Variants in AQR observed in about 807,000 individuals in gnomAD.
The protein encoded by AQR is aquarius intron-binding spliceosomal factor, also known as RNA helicase aquarius.
A neutral mutation model predicts 180.5 loss-of-function variants in AQR; 61 were observed. The ratio of observed to expected loss-of-function variants is 0.34; its 90% CI spans 0.28 to 0.42. The LOEUF is 0.42. Ranked by LOEUF, AQR falls within the 10% of genes least tolerant of loss-of-function variation. The probability of loss-of-function intolerance (pLI) is 1.00; values close to 1 mark genes in which losing one functional copy is unlikely to be tolerated. For missense variants in AQR, 1,281 were observed against 1,798.3 expected (o/e 0.71, Z 5.20); for synonymous variants, 551 against 588.8 (o/e 0.94, Z 0.93).
chr15:34,869,038 A>G (rs1396893906), intron 31 of AQR: 1 of 152,176 alleles, frequency 6.6e-6, no homozygotes, highest in Non-Finnish European at 1.5e-5. Context: ...GCTGTACAGT[A>G]AGTGCATACT....
chr15:34,959,974 CAAAA>C (rs1231837637), intron 3 of AQR, among the ~76,000 whole-genome samples: 4 of 151,836 alleles, frequency 2.6e-5, no homozygotes, highest in Non-Finnish European at 4.4e-5. Flanking sequence ...AACCCTGTCT[CAAAA>C]AAAGAAAAAA....
chr15:34,969,135 C>A lies in AQR; in HGVS notation c.75+404G>T, dbSNP rs368849935. 2.6e-5 allele frequency among the ~76,000 whole-genome samples: 4 copies of A among 152,068 alleles called. No individual in the cohort carries two copies. In the East Asian group the frequency reaches 7.7e-4, roughly 29 times the overall value. Reference sequence around the variant, plus strand: ...CAAAAACTCAGGACACTCTAAGGACCAGGAAAAAGCCTACTCCTACTTGAA... The same window carrying A: ...CAAAAACTCAGGACACTCTAAGGACAAGGAAAAAGCCTACTCCTACTTGAA... On this transcript the variant is annotated intron_variant, in intron 1 of 34. Coordinates refer to ENST00000156471, the MANE Select transcript of AQR (RefSeq NM_014691.3).
intron 27 of AQR, among the ~76,000 whole-genome samples, chr15:34,878,459 T>C (rs1175954437): frequency 6.6e-6 from 1 of 150,544 alleles, no homozygotes. Flanking sequence ...AAATAAATCA[T>C]TGTAAACATA....
intron 3 of AQR, among the ~76,000 whole-genome samples, chr15:34,956,142 C>T (rs1213645787): frequency 6.6e-6 from 1 of 152,090 alleles, no homozygotes; most frequent in Admixed American, 6.5e-5. Flanking sequence ...TAAGGCTATA[C>T]ATTTGTTTCA....
At chr15:34,893,889 CA>C in intron 22 of AQR, 116 bp from the exon 23 acceptor site, 1 of 782,726 alleles carries the variant, frequency 1.3e-6, no homozygotes, top group Non-Finnish European at 2.1e-6. Context: ...TAGATGGGCC[CA>C]ATAACAGAAT....
chr15:34,950,749 C>T (rs377735399), intron 4 of AQR, among the ~76,000 whole-genome samples: 1 of 152,088 alleles, frequency 6.6e-6, no homozygotes, highest in African/African-American at 2.4e-5. Flanking sequence ...GAATATTACC[C>T]TAATGTGCTC....
In AQR at chr15:34,874,546, T is replaced by C. The variant is rs1595782880; in HGVS notation, c.3425+131A>G. ...TTGCAGAAGTCGACAAAAGTGCTTT[T>C]GGATTTATGGATAGCCAAGTTCCTG... On this transcript the variant is annotated intron_variant, in intron 29 of 34. Coordinates refer to ENST00000156471, the MANE Select transcript of AQR (RefSeq NM_014691.3). The C allele has an allele frequency of 4.7e-6, 5 of 1,072,158 alleles. No individual in the cohort carries two copies. The East Asian group carries it at 1.3e-4, about 28-fold the overall frequency. The allele number at this position is 1,072,158 out of a possible 1,614,324, so 66.4% of individuals were successfully genotyped here. A position where few individuals can be genotyped will look rare whatever the true frequency, so the allele number is the denominator to read the frequency against.
chr15:34,872,390 G>T (rs988849480), intron 30 of AQR, among the ~76,000 whole-genome samples: 3 of 152,024 alleles, frequency 2.0e-5, no homozygotes, highest in African/African-American at 7.2e-5. Flanking sequence ...TTTATTTCTT[G>T]AATCGCTAAA....
chr15:34,930,454 C>A, intron 11 of AQR, 83 bp from the exon 12 acceptor site: 1 of 741,492 alleles, frequency 1.3e-6, no homozygotes, highest in Non-Finnish European at 2.2e-6. Flanking sequence ...TAAACAGGTT[C>A]ATACAGTTTC....
chr15:34,894,951 G>A (rs1022894136), intron 22 of AQR, among the ~76,000 whole-genome samples: 2 of 150,948 alleles, frequency 1.3e-5, no homozygotes, highest in African/African-American at 2.4e-5. Context: ...GATCACTTGA[G>A]GCCAGGAGTT....
At chr15:34,936,886 G>C (rs964810920) in intron 9 of AQR, among the ~76,000 whole-genome samples, 2 of 152,006 alleles carry the variant, frequency 1.3e-5, no homozygotes, top group African/African-American at 4.8e-5. Context: ...ACAGACATTA[G>C]TTCTATAGAC....
At chr15:34,957,697 G>A (rs188928249) in intron 3 of AQR, among the ~76,000 whole-genome samples, 2,013 of 133,520 alleles carry the variant, frequency 0.015, 17 homozygotes, top group Middle Eastern at 0.025. Flanking sequence ...TCGAAACTCC[G>A]TCTCAAAAAA....
At chr15:34,956,069 C>T (rs1212447185) in intron 3 of AQR, among the ~76,000 whole-genome samples, 2 of 152,094 alleles carry the variant, frequency 1.3e-5, no homozygotes, top group African/African-American at 4.8e-5. Context: ...GCTTCTGGAA[C>T]ACCGACAATG....
Position 34,856,976 on chromosome 15 carries a change from C to G in AQR, c.4274G>C (p.Ser1425Thr). 1 of 1,614,124 alleles carries G rather than the reference C, an allele frequency of 6.2e-7. No homozygotes were observed. Among genetic ancestry groups the G allele is most frequent in the Middle Eastern group, 1.6e-4 (1 of 6,062 alleles). ...ADIIPSPTDT[S>T]CRQETPAFQT... is the part of the protein sequence containing the mutation. Reference sequence around the variant, plus strand: ...AAAGGCTGGAGTTTCTTGACGGCAGCTGGTGTCTGTTGGACTGGGTATGAT... The same window carrying G: ...AAAGGCTGGAGTTTCTTGACGGCAGGTGGTGTCTGTTGGACTGGGTATGAT... Residue 1425 changes from serine to threonine, a missense_variant, in exon 35 of 35, where the codon AGC (serine) becomes ACC (threonine). Ser to Thr is a moderately conservative substitution (Grantham distance 58). Around this residue, in one of 9 missense-constraint regions of AQR, gnomAD observed 182 missense variants for 185.3 expected, o/e 0.98. Transcript: ENST00000156471.
rs375936774 is a variant in AQR at position 34,896,960 on chromosome 15, C to T, written c.2397G>A (p.Thr799=). The T allele has an allele frequency of 2.9e-5, 46 of 1,611,210 alleles. No homozygotes were observed. The highest frequency in any genetic ancestry group is 2.8e-4 in the Admixed American group (17 of 59,934). ...CTATCTGTGTATGAGTGAACTGAAT[C>T]GTATTACTGCAAATAAGAGTAAATA... ...PYPYNQPKRN[T]IQFTHTQIEA... is the part of the protein sequence containing the mutation. Residue 799 remains threonine (T), a synonymous_variant, in exon 22 of 35, where the codon ACG becomes ACA. Transcript: ENST00000156471.
intron 34 of AQR, among the ~76,000 whole-genome samples, chr15:34,859,686 G>A (rs1371135759): frequency 6.6e-6 from 1 of 152,158 alleles, no homozygotes; most frequent in African/African-American, 2.4e-5. Flanking sequence ...ATCCTTGGCT[G>A]CCTGGGAAGG....
At chr15:34,930,517 A>T in intron 11 of AQR, 146 bp from the exon 12 acceptor site, 1 of 548,102 alleles carries the variant, frequency 1.8e-6, no homozygotes, top group Admixed American at 3.1e-5. Flanking sequence ...AAGATTTTAG[A>T]ACATATCCAA....
At chr15:34,869,285 C>T (rs1357559527) in intron 31 of AQR, 23 of 151,892 alleles carry the variant, frequency 1.5e-4, no homozygotes, top group African/African-American at 5.3e-4. Context: ...TTTTTCATGA[C>T]GTATTGGCTA....
Position 34,855,649 on chromosome 15 carries a change from T to C in AQR, c.*1143A>G, listed in dbSNP as rs1453203410. The C allele has an allele frequency of 2.6e-5, 4 of 152,144 alleles. No individual in the cohort carries two copies. The highest frequency in any genetic ancestry group is 4.4e-5 in the Non-Finnish European group (3 of 68,026). The allele number at this position is 152,144 out of a possible 1,614,324, so 9.4% of individuals were successfully genotyped here. A position where few individuals can be genotyped will look rare whatever the true frequency, so the allele number is the denominator to read the frequency against. On this transcript the variant is annotated 3_prime_UTR_variant, in exon 35 of 35. Transcript: ENST00000156471. ...TAATTCTACATTATAGCCTCATTCATGTGAAGACAACACAGTAATCTTAGT... is the reference window on the plus strand; with the variant it reads ...TAATTCTACATTATAGCCTCATTCACGTGAAGACAACACAGTAATCTTAGT...
Sources: allele counts gnomAD v4.1 joint callset (sites outside exome capture counted in the v4.1 genomes callset), GRCh38; gene constraint gnomAD v4.1.1; regional missense constraint gnomAD v4.1.1; transcripts MANE v1.5; gene names NCBI Gene and HGNC (gene_info 2026-07-23, HGNC 2026-07-21).